Variants in MGA observed in about 807,000 individuals in gnomAD.
The protein encoded by MGA is MAX dimerization protein MGA, also known as MAX gene-associated protein.
A neutral mutation model predicts 261.1 loss-of-function variants in MGA; 40 were observed. The ratio of observed to expected loss-of-function variants is 0.15; its 90% CI spans 0.12 to 0.20. The LOEUF (loss-of-function observed/expected upper bound fraction) is 0.20. Ranked by LOEUF, MGA falls within the 10% of genes least tolerant of loss-of-function variation. The pLI is 1.00. For missense variants in MGA, 3,397 were observed against 3,630.5 expected, an observed-to-expected ratio of 0.94 and a Z score of 1.65; for synonymous variants, 1,302 against 1,290.6, an observed-to-expected ratio of 1.01 and a Z score of -0.19.
intron 17 of MGA, among the ~76,000 whole-genome samples, chr15:41,753,883 G>C (rs902675753): frequency 6.6e-6 from 1 of 152,046 alleles, no homozygotes; most frequent in Non-Finnish European, 1.5e-5. Context: ...AGTCCTTTGA[G>C]GATGCTGTTA....
rs1482683921 is a variant in MGA at position 41,727,407 on chromosome 15, G to A, written c.3657+1G>A. 1.2e-6 allele frequency: 2 copies of A among 1,610,430 alleles called. No individual in the cohort carries two copies. Among genetic ancestry groups the A allele is most frequent in the Non-Finnish European group, 1.7e-6 (2 of 1,177,770 alleles). On this transcript the variant is annotated splice_donor_variant, in intron 10 of 23. Transcript: ENST00000219905. LOFTEE classifies it high-confidence loss of function. Reference sequence around the variant, plus strand: ...ATATACTCCCAAACCCAATCCTGTGGTAAGTCTGGAATTTAATCTTTTATT... The same window carrying A: ...ATATACTCCCAAACCCAATCCTGTGATAAGTCTGGAATTTAATCTTTTATT...
intron 2 of MGA, among the ~76,000 whole-genome samples, chr15:41,693,864 G>A (rs553004112): frequency 5.3e-4 from 81 of 152,252 alleles, no homozygotes; most frequent in Non-Finnish European, 1.0e-3. Context: ...GATAAATTCA[G>A]TAATAAAAGT....
At chr15:41,688,792 G>C (rs1322364778) in intron 2 of MGA, among the ~76,000 whole-genome samples, 1 of 152,126 alleles carries the variant, frequency 6.6e-6, no homozygotes, top group East Asian at 1.9e-4. Context: ...AGATTGGCTG[G>C]CTTAAGCAAC....
intron 1 of MGA, among the ~76,000 whole-genome samples, chr15:41,643,077 T>A (rs945135491): frequency 4.0e-5 from 6 of 151,446 alleles, no homozygotes; most frequent in Middle Eastern, 3.2e-3. Context: ...TAATTATTTT[T>A]TATTTTTTTT....
At chr15:41,659,335 A>T (rs80078127), upstream of MGA, among the ~76,000 whole-genome samples, 1,252 of 151,740 alleles carry the variant, frequency 8.3e-3, 13 homozygotes, top group African/African-American at 0.029. Flanking sequence ...CTCCTTCCTT[A>T]GTCTTCTCAT....
chr15:41,696,511 A>G lies in MGA; in HGVS notation c.1501A>G (p.Met501Val), dbSNP rs199666635. 2.1e-4 allele frequency: 336 copies of G among 1,613,864 alleles called. 1 individual carries two copies. Among genetic ancestry groups the G allele is most frequent in the African/African-American group, 2.9e-4 (22 of 74,936 alleles). ...CACATCTCGAAAGGATAAATCTTCT[A>G]TGTTGGCAGAATTGGAATATTTGCC... Residue 501 changes from methionine (M) to valine (V), a missense_variant, in exon 3 of 24, where the codon ATG (methionine) becomes GTG (valine). Around this residue, in one of 9 missense-constraint regions of MGA, gnomAD observed 563 missense variants for 563.6 expected, o/e 1.00. Coordinates refer to ENST00000219905, the MANE Select transcript of MGA (RefSeq NM_001164273.2).
intron 19 of MGA, 44 bp downstream of exon 19, chr15:41,757,883 T>A: frequency 6.7e-7 from 1 of 1,495,522 alleles, no homozygotes; most frequent in Non-Finnish European, 9.3e-7. Context: ...TGAATAAAAT[T>A]GTTAACATTT....
intron 1 of MGA, among the ~76,000 whole-genome samples, chr15:41,630,013 T>C (rs186452759): frequency 2.5e-4 from 38 of 152,300 alleles, no homozygotes; most frequent in Admixed American, 8.5e-4. Flanking sequence ...GATTTCTACT[T>C]TCTCTCCATT....
At position 41,696,917 on chromosome 15, in the gene MGA, T is replaced by C. The variant is rs1324311921; in HGVS notation, c.1907T>C (p.Leu636Ser). 1.9e-6 allele frequency: 3 copies of C among 1,600,938 alleles called. No homozygotes were observed. Among genetic ancestry groups the C allele is most frequent in the East Asian group, 2.2e-5 (1 of 44,626 alleles). ...CCACCTAAGAACACAGGAAAGTCTT[T>C]AATTTCTACAAAGAATACACCTGTA... Residue 636 changes from leucine to serine, a missense_variant, in exon 3 of 24, where the codon TTA becomes TCA. This residue lies in a region of MGA where 563 missense variants were observed against 563.6 expected (regional missense o/e 1.00). Transcript: ENST00000219905.
chr15:41,727,142 C>T, intron 9 of MGA, 38 bp from the exon 10 acceptor site: 1 of 1,538,966 alleles, frequency 6.5e-7, no homozygotes, highest in South Asian at 1.2e-5. Context: ...CTTTTGTTGC[C>T]AAAAGTACCT....
rs1374804892 is a variant in MGA, at chr15:41,642,570, G to A, written c.-68+21272G>A. Among the ~76,000 whole-genome samples the A allele has an allele frequency of 4.0e-5, 6 of 151,888 alleles. No homozygotes were observed. In the South Asian group the frequency reaches 6.3e-4, roughly 16 times the overall value. On this transcript the variant is annotated intron_variant, in intron 1 of 8. Transcript: ENST00000566718. ...GCGATCTCAGCTCACTGCAACCTCC[G>A]CCTCCCAGGTTCAAGCGATTCTCCT...
At chr15:41,697,115 T>C (rs957748874) in intron 3 of MGA, 92 bp downstream of exon 3, 2 of 1,099,052 alleles carry the variant, frequency 1.8e-6, no homozygotes, top group Admixed American at 2.9e-5. Flanking sequence ...CAATCTAGTT[T>C]TGTGATATCT....
chr15:41,635,770 T>C (rs556901581), intron 1 of MGA, among the ~76,000 whole-genome samples: 20 of 152,296 alleles, frequency 1.3e-4, no homozygotes, highest in Middle Eastern at 3.4e-3. Context: ...TTTTGGTCAA[T>C]GATGGACTGC....
intron 9 of MGA, among the ~76,000 whole-genome samples, chr15:41,714,591 C>T (rs1048040685): frequency 1.3e-5 from 2 of 152,170 alleles, no homozygotes; most frequent in Non-Finnish European, 2.9e-5. Context: ...GCAACCTCCA[C>T]CTCCTGGGTT....
chr15:41,690,275 G>A lies in MGA; in HGVS notation c.1065-5800G>A, dbSNP rs575673443. ...CATGTGTAGCATGTATCTGTACTTC[G>A]TTTCTTTTTATTGTCAAATAATATT... On this transcript the variant is annotated intron_variant, in intron 2 of 23. Transcript: ENST00000219905. 3.3e-5 allele frequency among the ~76,000 whole-genome samples: 5 copies of A among 152,150 alleles called. 1 individual carries two copies. In the South Asian group the frequency reaches 6.2e-4, roughly 19 times the overall value.
At chr15:41,702,030 C>G (rs2059880675) in intron 5 of MGA, among the ~76,000 whole-genome samples, 2 of 151,876 alleles carry the variant, frequency 1.3e-5, no homozygotes, top group Non-Finnish European at 2.9e-5. Flanking sequence ...TTTAAAAAGC[C>G]ATACTTGGGC....
At chr15:41,636,243 A>G (rs1595549947) in intron 1 of MGA, among the ~76,000 whole-genome samples, 1 of 151,594 alleles carries the variant, frequency 6.6e-6, no homozygotes, top group African/African-American at 2.4e-5. Flanking sequence ...GGCCCAAGCA[A>G]TTCTCCCATC....
At chr15:41,676,346 C>G (rs890621582) in intron 2 of MGA, among the ~76,000 whole-genome samples, 1 of 152,172 alleles carries the variant, frequency 6.6e-6, no homozygotes, top group Non-Finnish European at 1.5e-5. Flanking sequence ...CCAAACCTGG[C>G]TAATTTTATG....
At position 41,644,870 on chromosome 15, in the gene MGA, A is replaced by G. The variant is rs1193253618; in HGVS notation, c.-68+23572A>G. Among the ~76,000 whole-genome samples the G allele has an allele frequency of 2.0e-5, 3 of 152,208 alleles. No homozygotes were observed. The East Asian group carries it at 5.8e-4, about 29-fold the overall frequency. The stretch of plus-strand genomic sequence containing the variant: ...TAATACGTTAACCCAGGTGTTTGCA[A>G]ACTTTTTCTGTAGAGGGCCACATAG... On this transcript the variant is annotated intron_variant, in intron 1 of 8. Coordinates refer to the MGA transcript ENST00000566718.
Sources: allele counts gnomAD v4.1 joint callset (sites outside exome capture counted in the v4.1 genomes callset), GRCh38; gene constraint gnomAD v4.1.1; regional missense constraint gnomAD v4.1.1; transcripts MANE v1.5; gene names NCBI Gene and HGNC (gene_info 2026-07-23, HGNC 2026-07-21).